Variants in FGFR4 observed in about 807,000 individuals in gnomAD.
FGFR4 encodes the protein fibroblast growth factor receptor 4.
A neutral mutation model predicts 89.9 loss-of-function variants in FGFR4; 63 were observed. That is an observed-to-expected ratio of 0.70 (90% confidence interval 0.57 to 0.86). FGFR4 has a LOEUF of 0.86. FGFR4 is among the 40% of genes least tolerant of loss of function. The pLI is 0.00. For synonymous variants in FGFR4, 486 were observed against 479.4 expected (o/e 1.01, Z -0.18); for missense variants, 928 against 1,106.7 (o/e 0.84, Z 2.29).
In FGFR4 at chr5:177,095,152, A is replaced by G. The variant is rs1461226458; in HGVS notation, c.1520-178A>G. ...TGTGACCCACTGCTCTGTTTCCCAC[A>G]AGACGAACCTGAGGTTCAGAGACGC... On this transcript the variant is annotated intron_variant, in intron 11 of 17. Coordinates refer to ENST00000292408, the MANE Select transcript of FGFR4 (RefSeq NM_213647.3). This position sits in a 1 kb window ranked among gnomAD's most constrained non-coding sequence, Gnocchi z 5.7. 4 of 614,866 alleles carry G rather than the reference A, an allele frequency of 6.5e-6. No homozygotes were observed. Among genetic ancestry groups the G allele is most frequent in the Middle Eastern group, 4.3e-4 (1 of 2,310 alleles). The allele number at this position is 614,866 out of a possible 1,614,324, so 38.1% of individuals were successfully genotyped here.
At chr5:177,088,833 C>G (rs576199939) in intron 1 of FGFR4, among the ~76,000 whole-genome samples, 2 of 136,288 alleles carry the variant, frequency 1.5e-5, no homozygotes, top group African/African-American at 5.4e-5. Flanking sequence ...CGCACGTTCT[C>G]TCTTTTATCC....
chr5:177,096,671 G>A lies in FGFR4; in HGVS notation c.2083G>A (p.Val695Met). The change falls in exon 16 of 18, where the codon GTG becomes ATG. Residue 695 changes from valine (V) to methionine (M), a missense_variant. Physicochemically the swap from Val to Met is conservative, Grantham distance 21. Transcript: ENST00000292408. ...LGGSPYPGIP[V>M]EELFSLLREG... is the part of the protein sequence containing the mutation. Reference sequence around the variant, plus strand: ...GGGCTCCCCGTATCCTGGCATCCCGGTGGAGGAGCTGTTCTCGCTGCTGCG... The same window carrying A: ...GGGCTCCCCGTATCCTGGCATCCCGATGGAGGAGCTGTTCTCGCTGCTGCG... The A allele has an allele frequency of 6.2e-7, 1 of 1,611,436 alleles. No individual in the cohort carries two copies. The highest frequency in any genetic ancestry group is 8.5e-7 in the Non-Finnish European group (1 of 1,178,702).
In FGFR4 at chr5:177,087,508, G is replaced by A. The variant is rs956843560; in HGVS notation, c.-54+431G>A. 2 of 913,708 alleles carry A rather than the reference G, an allele frequency of 2.2e-6. No individual in the cohort carries two copies. The highest frequency in any genetic ancestry group is 1.8e-5 in the African/African-American group (1 of 55,924). 56.6% of individuals were successfully genotyped at this position (913,708 alleles called of 1,614,324 possible). On this transcript the variant is annotated intron_variant, in intron 1 of 17. Transcript: ENST00000292408. The surrounding 1 kb of genome is among the most constrained non-coding windows in gnomAD (Gnocchi z 6.1). ...GGGGCCTCCAGCGCGAGTGCGGGAG[G>A]CTGAAGGAGAACCCAGGACTGTCTG...
At position 177,087,666 on chromosome 5, in the gene FGFR4, C is replaced by G; in HGVS notation, c.-54+589C>G. On this transcript the variant is annotated intron_variant, in intron 1 of 17. Coordinates refer to ENST00000292408, the MANE Select transcript of FGFR4 (RefSeq NM_213647.3). This position sits in a 1 kb window ranked among gnomAD's most constrained non-coding sequence, Gnocchi z 6.1. Reference sequence around the variant, plus strand: ...AATAAACTCCCCGGGCCTCCCCACCCACTCCCAGCCCAAGCTGTGTACCCA... The same window carrying G: ...AATAAACTCCCCGGGCCTCCCCACCGACTCCCAGCCCAAGCTGTGTACCCA... 2.0e-6 allele frequency: 2 copies of G among 984,172 alleles called. No homozygotes were observed. The highest frequency in any genetic ancestry group is 2.4e-6 in the Non-Finnish European group (2 of 828,780). 61.0% of individuals were successfully genotyped at this position (984,172 alleles called of 1,614,324 possible). A position where few individuals can be genotyped will look rare whatever the true frequency, so the allele number is the denominator to read the frequency against.
intron 5 of FGFR4, among the ~76,000 whole-genome samples, chr5:177,091,358 C>T (rs1356066026): frequency 2.6e-5 from 4 of 152,272 alleles, no homozygotes; most frequent in Middle Eastern, 3.4e-3. Context: ...TCTGCATAAG[C>T]CTTAGCATCT....
At position 177,087,471 on chromosome 5, in the gene FGFR4, A is replaced by G; in HGVS notation, c.-54+394A>G. ...ACCTGAGGCCCCGAAAAGTTCAGTC[A>G]CTTAGTGCCCGGGGGCCTCCAGCGC... On this transcript the variant is annotated intron_variant, in intron 1 of 17. Coordinates refer to ENST00000292408, the MANE Select transcript of FGFR4 (RefSeq NM_213647.3). The surrounding 1 kb of genome is among the most constrained non-coding windows in gnomAD (Gnocchi z 6.1). The G allele has an allele frequency of 6.8e-6, 4 of 589,734 alleles. No homozygotes were observed. Among genetic ancestry groups the G allele is most frequent in the Non-Finnish European group, 8.5e-6 (4 of 468,892 alleles). 36.5% of individuals were successfully genotyped at this position (589,734 alleles called of 1,614,324 possible).
In FGFR4 at chr5:177,097,325, G is replaced by C. The variant is rs770001903; in HGVS notation, c.2187G>C (p.Ala729=). The C allele has an allele frequency of 6.8e-6, 11 of 1,610,024 alleles. No individual in the cohort carries two copies. Among genetic ancestry groups the C allele is most frequent in the Non-Finnish European group, 8.5e-7 (1 of 1,178,734 alleles). ...TGATGCGTGAGTGCTGGCACGCAGCGCCCTCCCAGAGGCCTACCTTCAAGC... is the reference window on the plus strand; with the variant it reads ...TGATGCGTGAGTGCTGGCACGCAGCCCCCTCCCAGAGGCCTACCTTCAAGC... The part of the protein sequence containing the change: ...YGLMRECWHA[A]PSQRPTFKQL... The change falls in exon 17 of 18, where the codon GCG becomes GCC. Residue 729 remains alanine, a synonymous_variant. Transcript: ENST00000292408.
chr5:177,090,873 C>T, intron 4 of FGFR4, 48 bp downstream of exon 4: 1 of 1,613,876 alleles, frequency 6.2e-7, no homozygotes, highest in South Asian at 1.1e-5. Flanking sequence ...CTCATCTGAT[C>T]ACTGAGAAGA....
In FGFR4 at chr5:177,095,176, G is replaced by T. The variant is rs1784505832; in HGVS notation, c.1520-154G>T. 2 of 659,592 alleles carry T rather than the reference G, an allele frequency of 3.0e-6. No individual in the cohort carries two copies. Among genetic ancestry groups the T allele is most frequent in the African/African-American group, 3.6e-5 (2 of 55,696 alleles). The allele number at this position is 659,592 out of a possible 1,614,324, so 40.9% of individuals were successfully genotyped here. On this transcript the variant is annotated intron_variant, in intron 11 of 17. Coordinates refer to ENST00000292408, the MANE Select transcript of FGFR4 (RefSeq NM_213647.3). This position sits in a 1 kb window ranked among gnomAD's most constrained non-coding sequence, Gnocchi z 5.7. ...CAAGACGAACCTGAGGTTCAGAGAC[G>T]CTAGGAGACTTTTTCAAGGCCACAC... is the stretch of plus-strand genomic sequence containing the variant.
rs754633250 is a variant in FGFR4 at position 177,092,353 on chromosome 5, G to A, written c.760G>A (p.Gly254Arg). 8.8e-6 allele frequency: 14 copies of A among 1,597,814 alleles called. No homozygotes were observed. The highest frequency in any genetic ancestry group is 5.4e-5 in the African/African-American group (4 of 74,522). Residue 254 changes from glycine to arginine, a missense_variant, in exon 7 of 18, where the codon GGG (glycine) becomes AGG (arginine). By Grantham distance (125) the Gly-to-Arg change is moderately radical. Around this residue, in one of 5 missense-constraint regions of FGFR4, gnomAD observed 741 missense variants for 836.9 expected, o/e 0.89. Transcript: ENST00000292408. ...RSPHRPILQA[G>R]LPANTTAVVG... is the part of the protein sequence containing the mutation. ...CCCGCACCGGCCCATCCTGCAGGCC[G>A]GGCTCCCGGCCAACACCACAGCCGT... is the stretch of plus-strand genomic sequence containing the variant.
intron 5 of FGFR4, among the ~76,000 whole-genome samples, 190 bp from the exon 6 acceptor site, chr5:177,091,495 C>T (rs1462662998): frequency 6.6e-6 from 1 of 152,206 alleles, no homozygotes; most frequent in Non-Finnish European, 1.5e-5. Context: ...TCCAAAGGCT[C>T]AAACCCAAGG....
At chr5:177,090,351 G>A in intron 2 of FGFR4, 39 bp from the exon 3 acceptor site, 2 of 1,599,274 alleles carry the variant, frequency 1.3e-6, no homozygotes, top group Non-Finnish European at 1.7e-6. Context: ...GCCTCAGATG[G>A]GGCTGCGGGG....
chr5:177,097,709 G>A lies in FGFR4; in HGVS notation c.*33G>A. The A allele has an allele frequency of 6.2e-7, 1 of 1,603,866 alleles. No homozygotes were observed. Among genetic ancestry groups the A allele is most frequent in the African/African-American group, 1.3e-5 (1 of 74,902 alleles). On this transcript the variant is annotated 3_prime_UTR_variant, in exon 18 of 18. Transcript: ENST00000292408. Reference sequence around the variant, plus strand: ...TCAAGGCTGTGCAGGCACATAGGCTGGTGGCCTTGGGCCTTGGGGCTCAGC... The same window carrying A: ...TCAAGGCTGTGCAGGCACATAGGCTAGTGGCCTTGGGCCTTGGGGCTCAGC...
chr5:177,093,277 C>T lies in FGFR4; in HGVS notation c.1197C>T (p.His399=). 6.2e-7 allele frequency: 1 copy of T among 1,612,518 alleles called. No individual in the cohort carries two copies. Among genetic ancestry groups the T allele is most frequent in the Non-Finnish European group, 8.5e-7 (1 of 1,179,324 alleles). Reference sequence around the variant, plus strand: ...GAGGGCAGGCGCTCCACGGCCGGCACCCCCGCCCGCCCGCCACTGTGCAGA... The same window carrying T: ...GAGGGCAGGCGCTCCACGGCCGGCATCCCCGCCCGCCCGCCACTGTGCAGA... ...LYRGQALHGR[H]PRPPATVQKL... is the part of the protein sequence containing the mutation. Residue 399 remains histidine, a synonymous_variant, in exon 9 of 18, where the codon CAC becomes CAT. Transcript: ENST00000292408. The surrounding 1 kb of genome is among the most constrained non-coding windows in gnomAD (Gnocchi z 5.8).
At position 177,093,506 on chromosome 5, in the gene FGFR4, G is replaced by C. The variant is rs1784444601; in HGVS notation, c.1352G>C (p.Ser451Thr). 6.2e-7 allele frequency: 1 copy of C among 1,613,778 alleles called. No homozygotes were observed. The highest frequency in any genetic ancestry group is 1.3e-5 in the African/African-American group (1 of 74,950). The change falls in exon 10 of 18, where the codon AGT becomes ACT. Residue 451 changes from serine (S) to threonine (T), a missense_variant. Physicochemically the swap from Ser to Thr is moderately conservative, Grantham distance 58 (BLOSUM62 1). Around this residue, in one of 5 missense-constraint regions of FGFR4, gnomAD observed 741 missense variants for 836.9 expected, o/e 0.89. Coordinates refer to ENST00000292408, the MANE Select transcript of FGFR4 (RefSeq NM_213647.3). This position sits in a 1 kb window ranked among gnomAD's most constrained non-coding sequence, Gnocchi z 5.8. ...SGPALLAGLV[S>T]LDLPLDPLWE... is the part of the protein sequence containing the mutation. ...CCCGCCTTGCTCGCCGGCCTCGTGA[G>C]TCTAGATCTACCTCTCGACCCACTA...
intron 4 of FGFR4, 25 bp from the exon 5 acceptor site, chr5:177,090,913 C>T (rs941187254): frequency 6.2e-6 from 10 of 1,614,122 alleles, no homozygotes; most frequent in Non-Finnish European, 8.5e-6. Context: ...CACGGTCATT[C>T]TAGGGGCCTT....
At position 177,093,756 on chromosome 5, in the gene FGFR4, G is replaced by A. The variant is rs767363922; in HGVS notation, c.1500G>A (p.Val500=). 3 of 1,613,246 alleles carry A rather than the reference G, an allele frequency of 1.9e-6. No individual in the cohort carries two copies. The highest frequency in any genetic ancestry group is 2.5e-6 in the Non-Finnish European group (3 of 1,179,744). The change falls in exon 11 of 18, where the codon GTG becomes GTA. Residue 500 remains valine (V), a synonymous_variant. Transcript: ENST00000292408. This position sits in a 1 kb window ranked among gnomAD's most constrained non-coding sequence, Gnocchi z 5.8. ...DPARPDQAST[V]AVKMLKDNAS... is the part of the protein sequence containing the mutation. ...CCCGGCCTGACCAAGCCAGCACTGT[G>A]GCCGTCAAGATGCTCAAAGGTGAGT...
Position 177,097,836 on chromosome 5 carries a change from C to G in FGFR4, c.*160C>G, listed in dbSNP as rs1784667509. ...TGCCCTTGCCCTTGGAGCTGCCGTG[C>G]CTGTGTCCTGATGGCCCAAATGTCA... On this transcript the variant is annotated 3_prime_UTR_variant, in exon 18 of 18. Transcript: ENST00000292408. 2 of 841,806 alleles carry G rather than the reference C, an allele frequency of 2.4e-6. No individual in the cohort carries two copies. The highest frequency in any genetic ancestry group is 3.5e-6 in the Non-Finnish European group (2 of 571,798). The allele number at this position is 841,806 out of a possible 1,614,324, so 52.1% of individuals were successfully genotyped here.
rs1784346117 is a variant in FGFR4 at position 177,090,952 on chromosome 5, C to A, written c.451C>A (p.His151Asn). The A allele has an allele frequency of 6.2e-7, 1 of 1,614,018 alleles. No homozygotes were observed. ...SYPQQAPYWT[H>N]PQRMEKKLHA... ...CTGCCCTCCAGCACCCTACTGGACA[C>A]ACCCCCAGCGCATGGAGAAGAAACT... Residue 151 changes from histidine (H) to asparagine (N), a missense_variant, in exon 5 of 18, where the codon CAC becomes AAC. His to Asn is a moderately conservative substitution (Grantham distance 68, BLOSUM62 1). Around this residue, in one of 5 missense-constraint regions of FGFR4, gnomAD observed 741 missense variants for 836.9 expected, o/e 0.89. Coordinates refer to ENST00000292408, the MANE Select transcript of FGFR4 (RefSeq NM_213647.3).
Sources: gnomAD v4.1 joint callset for allele counts (sites outside exome capture counted in the v4.1 genomes callset) on GRCh38, gnomAD v4.1.1 for gene constraint, gnomAD v4.1.1 regional missense constraint, Gnocchi (gnomAD v3.1) non-coding constraint, MANE v1.5 for transcripts, NCBI Gene and HGNC (gene_info 2026-07-23, HGNC 2026-07-21) for gene names.